AFF3: variants seen among roughly 807,000 people sequenced by gnomAD.
AFF3 encodes the protein AF4/FMR2 family member 3.
AFF3 carries 32 observed loss-of-function variants against 129.7 expected under a neutral mutation model. That is an observed-to-expected ratio of 0.25 (90% CI 0.19 to 0.33). AFF3 has a LOEUF of 0.33. AFF3 is among the 10% of genes least tolerant of loss of function. The pLI, the probability that AFF3 is intolerant of heterozygous loss-of-function variation, is 1.00. For missense variants in AFF3, 1,373 were observed against 1,592.0 expected, an observed-to-expected ratio of 0.86 and a Z score of 2.34; for synonymous variants, 644 against 635.4, an observed-to-expected ratio of 1.01 and a Z score of -0.20.
chr2:99,779,218 T>C (rs1046658139), intron 8 of AFF3, among the ~76,000 whole-genome samples: 3 of 152,158 alleles, frequency 2.0e-5, no homozygotes, highest in African/African-American at 7.2e-5. Context: ...TCCTGGTTTG[T>C]TGGGTGTTTT....
intron 11 of AFF3, among the ~76,000 whole-genome samples, chr2:99,700,478 T>G (rs189388126): frequency 5.3e-5 from 8 of 152,366 alleles, no homozygotes; most frequent in Admixed American, 5.2e-4. Flanking sequence ...CACATTACCT[T>G]GTTTATTTGA....
In AFF3 at chr2:99,565,555, T is replaced by G; in HGVS notation, c.3051A>C (p.Ala1017=). Residue 1017 remains alanine, a synonymous_variant, in exon 20 of 25, where the codon GCA becomes GCC. Coordinates refer to ENST00000672756, the MANE Select transcript of AFF3 (RefSeq NM_001386135.1). ...TGGATTCCATGGGGCCTTGTTCCATTGCATTTCCACACTCGATAAACGACA... is the reference window on the plus strand; with the variant it reads ...TGGATTCCATGGGGCCTTGTTCCATGGCATTTCCACACTCGATAAACGACA... ...AALSFIECGN[A]MEQGPMESKS... 1.2e-6 allele frequency: 2 copies of G among 1,614,226 alleles called. No individual in the cohort carries two copies. The highest frequency in any genetic ancestry group is 8.5e-7 in the Non-Finnish European group (1 of 1,180,040).
intron 7 of AFF3, among the ~76,000 whole-genome samples, chr2:99,980,908 T>G (rs1679340963): frequency 6.6e-6 from 1 of 152,246 alleles, no homozygotes; most frequent in Non-Finnish European, 1.5e-5. Context: ...GACTGCATAT[T>G]TATAAAATTG....
At chr2:100,038,069 T>C (rs994380030) in intron 4 of AFF3, among the ~76,000 whole-genome samples, 5 of 151,944 alleles carry the variant, frequency 3.3e-5, no homozygotes, top group Admixed American at 1.3e-4. Context: ...AGGCTTTATT[T>C]CTTTGTACCT....
At chr2:99,939,502 T>C (rs1321967041) in intron 7 of AFF3, among the ~76,000 whole-genome samples, 1 of 152,204 alleles carries the variant, frequency 6.6e-6, no homozygotes, top group African/African-American at 2.4e-5. Flanking sequence ...CCTAAGCTCC[T>C]CTCCTACAGA....
chr2:99,802,819 CTT>C lies in AFF3; in HGVS notation c.921+34656_921+34657del, dbSNP rs1325810800. ...TGTACATGAATTTTGTAACCTAAGA[CTT>C]TACTGAATTCATTTATCAAATCTAG... On this transcript the variant is annotated intron_variant, in intron 8 of 24. Transcript: ENST00000672756. Among the ~76,000 whole-genome samples the C allele has an allele frequency of 2.0e-5, 3 of 150,494 alleles. No individual in the cohort carries two copies. The East Asian group carries it at 5.9e-4, about 30-fold the overall frequency.
chr2:100,043,192 G>A (rs1379740364), intron 4 of AFF3, among the ~76,000 whole-genome samples: 1 of 152,108 alleles, frequency 6.6e-6, no homozygotes, highest in African/African-American at 2.4e-5. Flanking sequence ...GATAGATGCA[G>A]GAGAAACTCT....
At chr2:99,832,104 T>C (rs773763632) in intron 8 of AFF3, among the ~76,000 whole-genome samples, 9 of 152,220 alleles carry the variant, frequency 5.9e-5, no homozygotes, top group Non-Finnish European at 1.0e-4. Flanking sequence ...GCATAAAATA[T>C]TGACAAACGC....
rs752721402 is a variant in AFF3 at position 99,757,600 on chromosome 2, G to A, written c.922-5299C>T. ...GATGAGGAAACTAAGTCACTAAAAGGTTAAGTGATTTGCTGAAGTTCACCC... is the reference window on the plus strand; with the variant it reads ...GATGAGGAAACTAAGTCACTAAAAGATTAAGTGATTTGCTGAAGTTCACCC... On this transcript the variant is annotated intron_variant, in intron 8 of 24. Coordinates refer to ENST00000672756, the MANE Select transcript of AFF3 (RefSeq NM_001386135.1). Among the ~76,000 whole-genome samples, 6 of 152,186 alleles carry A rather than the reference G, an allele frequency of 3.9e-5. No individual in the cohort carries two copies. In the Middle Eastern group the frequency reaches 0.014, roughly 345 times the overall value.
chr2:99,703,132 C>A (rs1405363924), intron 11 of AFF3, among the ~76,000 whole-genome samples: 2 of 152,208 alleles, frequency 1.3e-5, no homozygotes, highest in Non-Finnish European at 2.9e-5. Context: ...TATCACTGGG[C>A]TAACATTAAG....
intron 4 of AFF3, among the ~76,000 whole-genome samples, chr2:100,012,617 T>C (rs1682652013): frequency 6.6e-6 from 1 of 152,232 alleles, no homozygotes; most frequent in South Asian, 2.1e-4. Flanking sequence ...CTCACCAGCC[T>C]GCAGAGTGCC....
At position 99,869,038 on chromosome 2, in the gene AFF3, GCC is replaced by G. The variant is rs1691655973; in HGVS notation, c.874-31516_874-31515del. On this transcript the variant is annotated intron_variant, in intron 7 of 24. Coordinates refer to ENST00000672756, the MANE Select transcript of AFF3 (RefSeq NM_001386135.1). ...ACTCCTGGCCTCAAGTGATCCCTCT[GCC>G]TCTGCCTCTGCCTCCCAAAGTGCTA... Among the ~76,000 whole-genome samples, 3 of 66,540 alleles carry G rather than the reference GCC, an allele frequency of 4.5e-5. No individual in the cohort carries two copies. The Admixed American group carries it at 6.9e-4, about 15-fold the overall frequency. The allele number at this position is 66,540 out of a possible 152,430, so 43.7% of individuals were successfully genotyped here. A position where few individuals can be genotyped will look rare whatever the true frequency, so the allele number is the denominator to read the frequency against.
rs529580897 is a variant in AFF3, at chr2:99,649,700, A to C, written c.1144-34T>G. The C allele has an allele frequency of 3.7e-6, 6 of 1,613,008 alleles. No homozygotes were observed. The South Asian group carries it at 6.6e-5, about 18-fold the overall frequency. ...AAGAAAGGGCAGAGATGTTTATTTAATATTCTGACTTTTGAATTACGTGCT... is the reference window on the plus strand; with the variant it reads ...AAGAAAGGGCAGAGATGTTTATTTACTATTCTGACTTTTGAATTACGTGCT... On this transcript the variant is annotated intron_variant, in intron 12 of 24. Coordinates refer to ENST00000672756, the MANE Select transcript of AFF3 (RefSeq NM_001386135.1).
At chr2:99,907,804 T>C (rs1360139640) in intron 7 of AFF3, among the ~76,000 whole-genome samples, 1 of 152,112 alleles carries the variant, frequency 6.6e-6, no homozygotes, top group African/African-American at 2.4e-5. Flanking sequence ...GGAATGCTAC[T>C]CTTAATATAA....
chr2:99,635,853 G>A (rs1257964675), intron 13 of AFF3, among the ~76,000 whole-genome samples: 1 of 152,162 alleles, frequency 6.6e-6, no homozygotes, highest in Admixed American at 6.5e-5. Flanking sequence ...ATGGCAGCAA[G>A]TCCCCAGCAC....
intron 7 of AFF3, among the ~76,000 whole-genome samples, chr2:99,984,600 T>G (rs568614758): frequency 2.5e-4 from 38 of 152,314 alleles, no homozygotes; most frequent in African/African-American, 3.8e-4. Context: ...AATGGAAAGA[T>G]GCATATTAAA....
intron 7 of AFF3, among the ~76,000 whole-genome samples, chr2:99,987,747 C>T (rs1679994581): frequency 6.6e-6 from 1 of 152,140 alleles, no homozygotes; most frequent in African/African-American, 2.4e-5. Context: ...TCTTCCAATG[C>T]CCATGTTTTA....
intron 4 of AFF3, among the ~76,000 whole-genome samples, chr2:100,053,829 T>C (rs1190728712): frequency 6.6e-6 from 1 of 152,156 alleles, no homozygotes; most frequent in East Asian, 1.9e-4. Context: ...TAAGTAGTAT[T>C]TGGGGCTCTG....
chr2:99,639,712 G>C (rs1358184283), intron 13 of AFF3, among the ~76,000 whole-genome samples: 1 of 145,370 alleles, frequency 6.9e-6, no homozygotes, highest in Non-Finnish European at 1.5e-5. Context: ...TTTTGAGACA[G>C]AATCTCACTC....
Sources: gnomAD v4.1 joint callset for allele counts (sites outside exome capture counted in the v4.1 genomes callset) on GRCh38, gnomAD v4.1.1 for gene constraint, MANE v1.5 for transcripts, NCBI Gene and HGNC (gene_info 2026-07-23, HGNC 2026-07-21) for gene names.